The following MTA1 variants were observed in gnomAD, a reference collection of about 807,000 sequenced individuals.
MTA1 encodes the protein metastasis associated 1.
Under a neutral mutation model 97.0 loss-of-function variants are expected in MTA1, and 15 were observed. The observed-to-expected ratio is 0.15, with a 90% confidence interval of 0.10 to 0.24. The LOEUF (loss-of-function observed/expected upper bound fraction) is 0.24. Ranked by LOEUF, MTA1 falls within the 10% of genes least tolerant of loss-of-function variation. The pLI, the probability that MTA1 is intolerant of heterozygous loss-of-function variation, is 1.00. For synonymous variants in MTA1, 435 were observed against 417.5 expected (o/e 1.04, Z -0.51); for missense variants, 709 against 1,015.1 (o/e 0.70, Z 4.10).
chr14:105,466,457 C>G lies in MTA1; in HGVS notation c.1656C>G (p.Pro552=), dbSNP rs1167963099. The change falls in exon 17 of 21, where the codon CCC becomes CCG. Residue 552 remains proline (P), a synonymous_variant. Transcript: ENST00000331320. ...ETHPRPPKPD[P]VKSVSSVLSS... ...ACCCCCGCCCCCCCAAGCCTGACCC[C>G]GTGAAAAGCGTGTCCAGCGTGCTCA... 4 of 1,603,596 alleles carry G rather than the reference C, an allele frequency of 2.5e-6. No homozygotes were observed. The highest frequency in any genetic ancestry group is 2.6e-6 in the Non-Finnish European group (3 of 1,175,354).
In MTA1 at chr14:105,424,339, G is replaced by T. The variant is rs1404459966; in HGVS notation, c.28+4276G>T. On this transcript the variant is annotated intron_variant, in intron 1 of 20. Coordinates refer to ENST00000331320, the MANE Select transcript of MTA1 (RefSeq NM_004689.4). The surrounding 1 kb of genome is among the most constrained non-coding windows in gnomAD (Gnocchi z 4.0). ...CTCCCAAGTAGCTGGGACTACAGGC[G>T]CCCGCCACCATGCCTGGCTAATGTT... Among the ~76,000 whole-genome samples, 2 of 150,964 alleles carry T rather than the reference G, an allele frequency of 1.3e-5. No individual in the cohort carries two copies. The highest frequency in any genetic ancestry group is 3.9e-4 in the East Asian group (2 of 5,168).
Position 105,464,476 on chromosome 14 carries a change from C to T in MTA1, c.1253C>T (p.Ala418Val). The change falls in exon 14 of 21, where the codon GCA (alanine) becomes GTA (valine). Residue 418 changes from alanine to valine, a missense_variant. Ala to Val is a moderately conservative substitution (Grantham distance 64). This residue lies in a region of MTA1 where 321 missense variants were observed against 593.5 expected (regional missense o/e 0.54). Transcript: ENST00000331320. ...GPPNMQCRLC[A>V]SCWTYWKKYG... The stretch of plus-strand genomic sequence containing the variant: ...CCTAACATGCAGTGTCGTCTCTGCG[C>T]ATCTTGTTGGACATATTGGAAGAAA... 6.2e-7 allele frequency: 1 copy of T among 1,613,618 alleles called. No homozygotes were observed. Among genetic ancestry groups the T allele is most frequent in the Middle Eastern group, 1.6e-4 (1 of 6,062 alleles).
chr14:105,448,143 G>A (rs113327025), intron 3 of MTA1, among the ~76,000 whole-genome samples: 65 of 152,244 alleles, frequency 4.3e-4, no homozygotes, highest in African/African-American at 1.5e-3. Context: ...AGAGGAGGGC[G>A]TGGGGGCCCT....
At chr14:105,465,023 G>T in intron 15 of MTA1, 71 bp from the exon 16 acceptor site, 1 of 1,442,738 alleles carries the variant, frequency 6.9e-7, no homozygotes, top group Non-Finnish European at 9.1e-7. Flanking sequence ...GGGCTCCCAG[G>T]TCAAGGCGCA....
chr14:105,448,738 C>T (rs2082806179), intron 3 of MTA1, among the ~76,000 whole-genome samples: 1 of 152,266 alleles, frequency 6.6e-6, no homozygotes, highest in South Asian at 2.1e-4. Context: ...CTGCTCCCAG[C>T]CTCAGTCTTA....
intron 1 of MTA1, among the ~76,000 whole-genome samples, chr14:105,428,229 G>A (rs1410615104): frequency 2.6e-5 from 4 of 151,982 alleles, no homozygotes; most frequent in Non-Finnish European, 4.4e-5. Flanking sequence ...TGTTCCTGCC[G>A]TTTTGCCTTG....
At chr14:105,427,550 C>T (rs587657758) in intron 1 of MTA1, among the ~76,000 whole-genome samples, 1 of 152,248 alleles carries the variant, frequency 6.6e-6, no homozygotes, top group African/African-American at 2.4e-5. Context: ...TAAAATAAGG[C>T]TGTTGCGTAT....
chr14:105,437,603 C>G (rs145220974), intron 1 of MTA1, among the ~76,000 whole-genome samples: 1 of 152,202 alleles, frequency 6.6e-6, no homozygotes, highest in Non-Finnish European at 1.5e-5. Flanking sequence ...CCTCGCGGCA[C>G]GGGTTTGGCC....
At chr14:105,441,789 G>A (rs1276901575) in intron 2 of MTA1, among the ~76,000 whole-genome samples, 1 of 152,106 alleles carries the variant, frequency 6.6e-6, no homozygotes, top group Non-Finnish European at 1.5e-5. Flanking sequence ...GCGAGACTCT[G>A]TCTCAAAAAA....
At chr14:105,443,039 G>A (rs1279594340) in intron 2 of MTA1, among the ~76,000 whole-genome samples, 3 of 152,214 alleles carry the variant, frequency 2.0e-5, no homozygotes, top group Non-Finnish European at 4.4e-5. Flanking sequence ...TTCATGGCTC[G>A]CTGAGACATT....
intron 1 of MTA1, among the ~76,000 whole-genome samples, chr14:105,430,599 CAA>C (rs2082149965): frequency 6.6e-6 from 1 of 152,186 alleles, no homozygotes; most frequent in African/African-American, 2.4e-5. Context: ...CACGTTGCCA[CAA>C]ACCTTCAATT....
rs932513671 is a variant in MTA1, at chr14:105,424,111, C to T, written c.28+4048C>T. On this transcript the variant is annotated intron_variant, in intron 1 of 20. Coordinates refer to ENST00000331320, the MANE Select transcript of MTA1 (RefSeq NM_004689.4). This position sits in a 1 kb window ranked among gnomAD's most constrained non-coding sequence, Gnocchi z 4.0. ...CCTGTGAGGATCGGCCTCAGCACTG[C>T]GCCATTGGCAGCCCTGGCTCACTCT... is the stretch of plus-strand genomic sequence containing the variant. Among the ~76,000 whole-genome samples, 15 of 152,250 alleles carry T rather than the reference C, an allele frequency of 9.9e-5. No individual in the cohort carries two copies. Among genetic ancestry groups the T allele is most frequent in the Non-Finnish European group, 1.9e-4 (13 of 68,048 alleles).
At chr14:105,466,852 TC>T in intron 18 of MTA1, 110 bp downstream of exon 18, 1 of 1,133,420 alleles carries the variant, frequency 8.8e-7, no homozygotes, top group Non-Finnish European at 1.2e-6. Flanking sequence ...CTTGGGGCAG[TC>T]CACGTGAGCC....
At chr14:105,467,218 G>T (rs1567048621) in intron 18 of MTA1, 2 of 359,802 alleles carry the variant, frequency 5.6e-6, no homozygotes, top group African/African-American at 4.3e-5. Context: ...CTCTGTGCCG[G>T]TTGCTTGGAG....
At chr14:105,445,366 T>A (rs1555426828) in intron 2 of MTA1, 52 bp from the exon 3 acceptor site, 1 of 1,561,808 alleles carries the variant, frequency 6.4e-7, no homozygotes, top group African/African-American at 1.4e-5. Flanking sequence ...CTGGGAGCTG[T>A]GCAGCCCGGG....
At position 105,441,763 on chromosome 14, in the gene MTA1, C is replaced by T. The variant is rs587737951; in HGVS notation, c.96+3024C>T. ...GAGCCGAGATCCCGCCACTACACTC[C>T]AGCCTGGGCGACAGAGCGAGACTCT... On this transcript the variant is annotated intron_variant, in intron 2 of 20. Transcript: ENST00000331320. Among the ~76,000 whole-genome samples, 376 of 152,260 alleles carry T rather than the reference C, an allele frequency of 2.5e-3. 3 individuals carry two copies. Among genetic ancestry groups the T allele is most frequent in the South Asian group, 0.021 (103 of 4,820 alleles).
chr14:105,467,881 G>A lies in MTA1; in HGVS notation c.1813+1139G>A, dbSNP rs1211785564. 1.7e-5 allele frequency: 4 copies of A among 238,274 alleles called. 1 individual carries two copies. The highest frequency in any genetic ancestry group is 9.4e-5 in the South Asian group (2 of 21,276). 14.8% of individuals were successfully genotyped at this position (238,274 alleles called of 1,614,324 possible). ...CTTTTTGTTTTGTTTTGTAAAAAGC[G>A]GTTAACCAGCAAGTTACATAAAAGC... On this transcript the variant is annotated intron_variant, in intron 18 of 20. Coordinates refer to ENST00000331320, the MANE Select transcript of MTA1 (RefSeq NM_004689.4).
At position 105,424,392 on chromosome 14, in the gene MTA1, G is replaced by A. The variant is rs1305033415; in HGVS notation, c.28+4329G>A. On this transcript the variant is annotated intron_variant, in intron 1 of 20. Transcript: ENST00000331320. The surrounding 1 kb of genome is among the most constrained non-coding windows in gnomAD (Gnocchi z 4.0). ...GTAATTTTTTTTTTTTTGTAGAGACGGGGTTTCACTGTGTTAGCCAGTATG... is the reference window on the plus strand; with the variant it reads ...GTAATTTTTTTTTTTTTGTAGAGACAGGGTTTCACTGTGTTAGCCAGTATG... 2.0e-5 allele frequency among the ~76,000 whole-genome samples: 3 copies of A among 151,350 alleles called. No individual in the cohort carries two copies. The highest frequency in any genetic ancestry group is 2.9e-5 in the Non-Finnish European group (2 of 67,874).
In MTA1 at chr14:105,464,108, C is replaced by A. The variant is rs1335830447; in HGVS notation, c.1153C>A (p.Gln385Lys). The change falls in exon 13 of 21, where the codon CAG (glutamine) becomes AAG (lysine). Residue 385 changes from glutamine (Q) to lysine (K), a missense_variant. Transcript: ENST00000331320. ...GGTGAACGGCACGGGGGCGCCGGGC[C>A]AGAGCCCTGGGGCTGGCCGGGCCTG... ...GVVNGTGAPG[Q>K]SPGAGRACES... The A allele has an allele frequency of 6.2e-7, 1 of 1,612,086 alleles. No homozygotes were observed. Among genetic ancestry groups the A allele is most frequent in the Admixed American group, 1.7e-5 (1 of 59,894 alleles).
Sources: gnomAD v4.1 joint callset for allele counts (sites outside exome capture counted in the v4.1 genomes callset) on GRCh38, gnomAD v4.1.1 for gene constraint, gnomAD v4.1.1 regional missense constraint, Gnocchi (gnomAD v3.1) non-coding constraint, MANE v1.5 for transcripts, NCBI Gene and HGNC (gene_info 2026-07-23, HGNC 2026-07-21) for gene names.